Variants in SEPTIN2 observed in about 807,000 individuals in gnomAD.
The protein encoded by SEPTIN2 is septin 2, also known as septin-2.
In SEPTIN2, 34 loss-of-function variants were observed where a neutral mutation model predicts 46.5. The observed-to-expected ratio is 0.73, with a 90% CI of 0.56 to 0.97. The LOEUF (loss-of-function observed/expected upper bound fraction) is 0.97. Ranked by LOEUF, SEPTIN2 falls within the 50% of genes least tolerant of loss-of-function variation. The pLI is 0.00. For missense variants in SEPTIN2, 347 were observed against 448.4 expected, an observed-to-expected ratio of 0.77 and a Z score of 2.04; for synonymous variants, 175 against 153.4, an observed-to-expected ratio of 1.14 and a Z score of -1.04.
chr2:241,338,691 T>TATATTTATATTATTTATATA (rs2080517040), intron 7 of SEPTIN2, among the ~76,000 whole-genome samples: 1 of 117,066 alleles, frequency 8.5e-6, no homozygotes, highest in Non-Finnish European at 1.7e-5. Flanking sequence ...ACATATGTAA[T>TATATTTATATTATTTATATA]ATATATTATA....
intron 4 of SEPTIN2, chr2:241,335,720 C>T: frequency 1.7e-6 from 1 of 572,014 alleles, no homozygotes; most frequent in South Asian, 2.2e-5. Context: ...TCGTAAATTG[C>T]TTTCTTTTTC....
chr2:241,353,441 A>G lies in SEPTIN2; in HGVS notation c.*1504A>G, dbSNP rs12078. The G allele has an allele frequency of 0.033, 5,078 of 152,284 alleles. 512 individuals carry two copies. The highest frequency in any genetic ancestry group is 0.19 in the Admixed American group (2,913 of 15,280). 9.4% of individuals were successfully genotyped at this position (152,284 alleles called of 1,614,324 possible). On this transcript the variant is annotated 3_prime_UTR_variant, in exon 13 of 13. Coordinates refer to ENST00000391971, the MANE Select transcript of SEPTIN2 (RefSeq NM_004404.5). Reference sequence around the variant, plus strand: ...GTGTAGGGAGATGGAGAAAATGCTTAATCTGAGGATGAGACAGGGTTTTTT... The same window carrying G: ...GTGTAGGGAGATGGAGAAAATGCTTGATCTGAGGATGAGACAGGGTTTTTT...
chr2:241,347,354 G>A (rs964326372), intron 10 of SEPTIN2, among the ~76,000 whole-genome samples: 1 of 152,164 alleles, frequency 6.6e-6, no homozygotes, highest in African/African-American at 2.4e-5. Context: ...TTATGAGTTT[G>A]GAAATGAGAC....
intron 3 of SEPTIN2, among the ~76,000 whole-genome samples, chr2:241,333,754 C>T (rs551245859): frequency 2.4e-4 from 37 of 152,162 alleles, no homozygotes; most frequent in Non-Finnish European, 2.9e-4. Context: ...CCGCCTGCCT[C>T]GGCCTCCCAA....
chr2:241,349,381 A>T (rs116720199), intron 11 of SEPTIN2, among the ~76,000 whole-genome samples: 22,833 of 141,900 alleles, frequency 0.16, 1,836 homozygotes, highest in Middle Eastern at 0.25. Flanking sequence ...TAAAAAAAAA[A>T]AAATATATAT....
intron 3 of SEPTIN2, among the ~76,000 whole-genome samples, chr2:241,329,350 G>C (rs934752786): frequency 5.3e-5 from 8 of 151,994 alleles, no homozygotes; most frequent in African/African-American, 1.9e-4. Flanking sequence ...TGATGGTCTC[G>C]ATCTCCTGAC....
chr2:241,338,640 AATATATATTAC>A (rs2080477082), intron 7 of SEPTIN2, among the ~76,000 whole-genome samples: 1 of 130,256 alleles, frequency 7.7e-6, no homozygotes, highest in Non-Finnish European at 1.6e-5. Flanking sequence ...AAATATATAT[AATATATATTAC>A]ATATATATTA....
intron 11 of SEPTIN2, among the ~76,000 whole-genome samples, chr2:241,349,405 T>C (rs2060579265): frequency 6.6e-6 from 1 of 150,866 alleles, no homozygotes; most frequent in Admixed American, 6.6e-5. Flanking sequence ...TGTATATGTA[T>C]GTATATATAT....
At chr2:241,330,196 C>G (rs933924108) in intron 3 of SEPTIN2, among the ~76,000 whole-genome samples, 3 of 152,174 alleles carry the variant, frequency 2.0e-5, no homozygotes, top group Non-Finnish European at 4.4e-5. Flanking sequence ...TGCTATGATG[C>G]AACCCGTGTG....
At position 241,353,529 on chromosome 2, in the gene SEPTIN2, G is replaced by C. The variant is rs60368538; in HGVS notation, c.*1592G>C. The C allele has an allele frequency of 0.031, 4,691 of 152,226 alleles. 167 individuals are homozygous for C. Among genetic ancestry groups the C allele is most frequent in the African/African-American group, 0.084 (3,494 of 41,504 alleles). The allele number at this position is 152,226 out of a possible 1,614,324, so 9.4% of individuals were successfully genotyped here. On this transcript the variant is annotated 3_prime_UTR_variant, in exon 13 of 13. Coordinates refer to ENST00000391971, the MANE Select transcript of SEPTIN2 (RefSeq NM_004404.5). ...AGTTAAATAATAATAGTTAATGAAG[G>C]TGTGCTACAGAAAATAATCTGGTGT...
Position 241,334,862 on chromosome 2 carries a change from T to TATATGATGTTCA in SEPTIN2, c.131-262_131-251dup, listed in dbSNP as rs538050413. The stretch of plus-strand genomic sequence containing the variant: ...ATTTGTGAACAGTTATGTTTCTAAT[T>TATATGATGTTCA]ATATGATGTTCAAGTTCTGTAGTCT... On this transcript the variant is annotated intron_variant, in intron 3 of 12. Transcript: ENST00000391971. Among the ~76,000 whole-genome samples, 77 of 152,330 alleles carry TATATGATGTTCA rather than the reference T, an allele frequency of 5.1e-4. 1 individual carries two copies. In the East Asian group the frequency reaches 0.014, roughly 27 times the overall value.
chr2:241,342,475 T>G (rs1163574249), intron 7 of SEPTIN2, among the ~76,000 whole-genome samples: 2 of 152,040 alleles, frequency 1.3e-5, no homozygotes, highest in Admixed American at 1.3e-4. Context: ...ATGTTATTTT[T>G]ATTCTGTACA....
chr2:241,336,487 GGAAATGAAGAAGTA>G (rs1195510552), intron 5 of SEPTIN2: 1 of 188,514 alleles, frequency 5.3e-6, no homozygotes, highest in Non-Finnish European at 1.1e-5. Flanking sequence ...TCACAAATAA[GGAAATGAAGAAGTA>G]GAAGATAGAG....
Position 241,337,448 on chromosome 2 carries a change from G to GA in SEPTIN2, c.410dup (p.Asn137LysfsTer7). 1 of 1,614,046 alleles carries GA rather than the reference G, an allele frequency of 6.2e-7. No homozygotes were observed. The highest frequency in any genetic ancestry group is 8.5e-7 in the Non-Finnish European group (1 of 1,180,002). ...GGTACCTGCATGACGAGAGCGGCTT[G>GA]AACAGGCGGCACATCATTGATAATA... On this transcript the variant is annotated frameshift_variant, in exon 6 of 13. Coordinates refer to ENST00000391971, the MANE Select transcript of SEPTIN2 (RefSeq NM_004404.5). LOFTEE classifies it high-confidence loss of function.
intron 12 of SEPTIN2, chr2:241,351,245 G>C (rs2060766717): frequency 1.3e-5 from 2 of 152,330 alleles, no homozygotes; most frequent in East Asian, 1.9e-4. Flanking sequence ...AGGACCCAGA[G>C]TGACTTGCTG....
At chr2:241,339,536 C>T (rs1228232726) in intron 7 of SEPTIN2, among the ~76,000 whole-genome samples, 3 of 152,016 alleles carry the variant, frequency 2.0e-5, no homozygotes, top group Non-Finnish European at 4.4e-5. Context: ...TGGAAGCATC[C>T]TCATATATAT....
At chr2:241,322,971 A>G (rs1048869728) in intron 1 of SEPTIN2, among the ~76,000 whole-genome samples, 5 of 151,944 alleles carry the variant, frequency 3.3e-5, no homozygotes, top group African/African-American at 1.2e-4. Context: ...ATATTATTGA[A>G]AATATGGAAT....
At chr2:241,330,493 G>A (rs910853455) in intron 3 of SEPTIN2, among the ~76,000 whole-genome samples, 2 of 152,294 alleles carry the variant, frequency 1.3e-5, no homozygotes, top group African/African-American at 2.4e-5. Flanking sequence ...ATAACACTAC[G>A]TGTAAATGGG....
chr2:241,318,340 ATAAGG>A (rs1211327520), intron 1 of SEPTIN2: 1 of 152,192 alleles, frequency 6.6e-6, no homozygotes, highest in Non-Finnish European at 1.5e-5. Context: ...GTAATAGGTG[ATAAGG>A]TAAGTGCCTG....
Sources: gnomAD v4.1 joint callset for allele counts (sites outside exome capture counted in the v4.1 genomes callset) on GRCh38, gnomAD v4.1.1 for gene constraint, MANE v1.5 for transcripts, NCBI Gene and HGNC (gene_info 2026-07-23, HGNC 2026-07-21) for gene names.